GPR4: variants seen among roughly 807,000 people sequenced by gnomAD.
GPR4 encodes the protein G-prodeshotein coupled receptor 4.
GPR4 carries 11 observed loss-of-function variants against 17.8 expected under a neutral mutation model. That is an observed-to-expected ratio of 0.62 (90% CI 0.39 to 1.02). The LOEUF (loss-of-function observed/expected upper bound fraction) is 1.02. Ranked by LOEUF, GPR4 falls within the 50% of genes least tolerant of loss-of-function variation. GPR4 has a pLI of 0.00. For missense variants in GPR4, 364 were observed against 495.4 expected, an observed-to-expected ratio of 0.73 and a Z score of 2.52; for synonymous variants, 219 against 222.8, an observed-to-expected ratio of 0.98 and a Z score of 0.15.
rs150834740 is a variant in GPR4, at chr19:45,590,781, T to C, written c.1086A>G (p.Gln362=). 114 of 1,561,640 alleles carry C rather than the reference T, an allele frequency of 7.3e-5. No individual in the cohort carries two copies. In the African/African-American group the frequency reaches 1.3e-3, roughly 17 times the overall value. Residue 362 remains glutamine, a synonymous_variant, in exon 2 of 2, where the codon CAA becomes CAG. Transcript: ENST00000323040. ...GGGATTCTGTGCCACTCGGGGTTCA[T>C]TGTGCTGGCGGCAGCATCTTCAGCT... ...QVQLKMLPPA[Q]
rs768789009 is a variant in GPR4 at position 45,591,966 on chromosome 19, A to C, written c.-100T>G. 9 of 1,289,616 alleles carry C rather than the reference A, an allele frequency of 7.0e-6. No homozygotes were observed. Among genetic ancestry groups the C allele is most frequent in the Non-Finnish European group, 9.5e-6 (9 of 942,810 alleles). The allele number at this position is 1,289,616 out of a possible 1,614,324, so 79.9% of individuals were successfully genotyped here. On this transcript the variant is annotated 5_prime_UTR_variant, in exon 2 of 2. Coordinates refer to ENST00000323040, the MANE Select transcript of GPR4 (RefSeq NM_005282.3). The surrounding 1 kb of genome is among the most constrained non-coding windows in gnomAD (Gnocchi z 7.6). ...GGGGCCCCCTGAGCCCCTTCCTTGG[A>C]GGCTCAGGGGAACATGGTGGGATGT... is the stretch of plus-strand genomic sequence containing the variant.
chr19:45,599,071 C>T (rs1394670282), intron 1 of GPR4, among the ~76,000 whole-genome samples: 2 of 152,206 alleles, frequency 1.3e-5, no homozygotes, highest in Admixed American at 6.5e-5. Context: ...CTCACATCCA[C>T]AAGAAGCTCC....
intron 1 of GPR4, among the ~76,000 whole-genome samples, chr19:45,596,441 G>C (rs921190295): frequency 6.6e-6 from 1 of 152,124 alleles, no homozygotes; most frequent in Non-Finnish European, 1.5e-5. Flanking sequence ...CTGACCTCAG[G>C]TGATCCACCC....
intron 1 of GPR4, among the ~76,000 whole-genome samples, chr19:45,597,886 C>G (rs922120699): frequency 2.0e-5 from 3 of 152,016 alleles, no homozygotes; most frequent in African/African-American, 4.8e-5. Context: ...AGTCCTGCCC[C>G]CTGTGGGGTC....
At chr19:45,593,463 C>A (rs530384382) in intron 1 of GPR4, among the ~76,000 whole-genome samples, 79 of 146,702 alleles carry the variant, frequency 5.4e-4, no homozygotes, top group African/African-American at 1.8e-3. Context: ...CGCACCACTG[C>A]ACTCCAGCCT....
At chr19:45,597,628 C>T (rs542852521) in intron 1 of GPR4, among the ~76,000 whole-genome samples, 1 of 152,312 alleles carries the variant, frequency 6.6e-6, no homozygotes, top group South Asian at 2.1e-4. Flanking sequence ...AGCACAGAGC[C>T]ATTTGCCAAT....
In GPR4 at chr19:45,590,637, C is replaced by T; in HGVS notation, c.*141G>A. ...AGCACAAAGGTTGACCAGTGACACA[C>T]CAACCTCACTCTTCCTAAGTTCTTG... On this transcript the variant is annotated 3_prime_UTR_variant, in exon 2 of 2. Coordinates refer to ENST00000323040, the MANE Select transcript of GPR4 (RefSeq NM_005282.3). The T allele has an allele frequency of 8.9e-7, 1 of 1,119,528 alleles. No individual in the cohort carries two copies. Among genetic ancestry groups the T allele is most frequent in the Non-Finnish European group, 1.2e-6 (1 of 806,312 alleles). The allele number at this position is 1,119,528 out of a possible 1,614,324, so 69.3% of individuals were successfully genotyped here.
In GPR4 at chr19:45,590,051, A is replaced by G. The variant is rs1178299717; in HGVS notation, c.*727T>C. 6.6e-6 allele frequency: 1 copy of G among 152,180 alleles called. No individual in the cohort carries two copies. 9.4% of individuals were successfully genotyped at this position (152,180 alleles called of 1,614,324 possible). ...AGTCTTGACTTGGAGATCGCTGTTT[A>G]TCTAGAAACTTAGAATTGCGGTCTT... On this transcript the variant is annotated 3_prime_UTR_variant, in exon 2 of 2. Coordinates refer to ENST00000323040, the MANE Select transcript of GPR4 (RefSeq NM_005282.3).
rs1160125051 is a variant in GPR4 at position 45,592,638 on chromosome 19, A to ACTGGTC, written c.-778_-773dup. ...AATGGGGGCAGGGGAGGGACTCCAG[A>ACTGGTC]CTGGTCCTGGTGGGGGCTGAGGGAT... On this transcript the variant is annotated 5_prime_UTR_variant, in exon 2 of 2. Transcript: ENST00000323040. 2 of 167,280 alleles carry ACTGGTC rather than the reference A, an allele frequency of 1.2e-5. No homozygotes were observed. The highest frequency in any genetic ancestry group is 2.9e-5 in the Non-Finnish European group (2 of 68,302). 10.4% of individuals were successfully genotyped at this position (167,280 alleles called of 1,614,324 possible).
At chr19:45,596,197 TTTC>T (rs1345417870) in intron 1 of GPR4, among the ~76,000 whole-genome samples, 7 of 146,442 alleles carry the variant, frequency 4.8e-5, no homozygotes, top group Non-Finnish European at 7.5e-5. Context: ...TTTCTTTTCT[TTTC>T]TTCTTTTTTT....
intron 1 of GPR4, among the ~76,000 whole-genome samples, chr19:45,593,020 A>G (rs1235204729): frequency 6.6e-6 from 1 of 151,698 alleles, no homozygotes; most frequent in Admixed American, 6.6e-5. Flanking sequence ...AGTGAGACCC[A>G]GTCTCTACAA....
chr19:45,597,324 C>T (rs1246210024), intron 1 of GPR4, among the ~76,000 whole-genome samples: 1 of 152,160 alleles, frequency 6.6e-6, no homozygotes, highest in Non-Finnish European at 1.5e-5. Context: ...CCACCTTGGC[C>T]TCTCAAAGTG....
chr19:45,592,074 A>T lies in GPR4; in HGVS notation c.-208T>A, dbSNP rs1274018645. The T allele has an allele frequency of 3.9e-6, 2 of 514,800 alleles. No homozygotes were observed. Among genetic ancestry groups the T allele is most frequent in the Non-Finnish European group, 7.0e-6 (2 of 284,702 alleles). 31.9% of individuals were successfully genotyped at this position (514,800 alleles called of 1,614,324 possible). On this transcript the variant is annotated 5_prime_UTR_variant, in exon 2 of 2. Coordinates refer to ENST00000323040, the MANE Select transcript of GPR4 (RefSeq NM_005282.3). Reference sequence around the variant, plus strand: ...TTGAGAGGGAAAAGTTGGAGGAGGGATGGAATTATGACAGGAGGGAAGTCT... The same window carrying T: ...TTGAGAGGGAAAAGTTGGAGGAGGGTTGGAATTATGACAGGAGGGAAGTCT...
At position 45,591,123 on chromosome 19, in the gene GPR4, G is replaced by A. The variant is rs1229790606; in HGVS notation, c.744C>T (p.Ser248=). The stretch of plus-strand genomic sequence containing the variant: ...CCCAGGGGCGGCCCAGGTAGATGGC[G>A]CTGCGGGACAGCAAGAGCACGTGAT... ...APYHVLLLSR[S]AIYLGRPWDC... Residue 248 remains serine, a synonymous_variant, in exon 2 of 2, where the codon AGC becomes AGT. Transcript: ENST00000323040. This position sits in a 1 kb window ranked among gnomAD's most constrained non-coding sequence, Gnocchi z 7.6. 1.9e-6 allele frequency: 3 copies of A among 1,613,608 alleles called. No individual in the cohort carries two copies. In the African/African-American group the frequency reaches 4.0e-5, roughly 22 times the overall value.
chr19:45,600,141 G>A (rs1002472002), intron 1 of GPR4, among the ~76,000 whole-genome samples: 6 of 152,240 alleles, frequency 3.9e-5, no homozygotes, highest in African/African-American at 7.2e-5. Context: ...AGAGAGGGGC[G>A]TGTTAGTCAC....
rs1225408989 is a variant in GPR4, at chr19:45,590,086, G to C, written c.*692C>G. The C allele has an allele frequency of 6.6e-6, 1 of 151,984 alleles. No individual in the cohort carries two copies. The highest frequency in any genetic ancestry group is 1.5e-5 in the Non-Finnish European group (1 of 68,008). 9.4% of individuals were successfully genotyped at this position (151,984 alleles called of 1,614,324 possible). ...TTAGAATTGCGGTCTTATGTTCCCT[G>C]GCCTGTATGACCAGGGGCTTTGCAA... On this transcript the variant is annotated 3_prime_UTR_variant, in exon 2 of 2. Coordinates refer to ENST00000323040, the MANE Select transcript of GPR4 (RefSeq NM_005282.3).
intron 1 of GPR4, among the ~76,000 whole-genome samples, chr19:45,596,043 T>C (rs1441185637): frequency 6.6e-6 from 1 of 152,094 alleles, no homozygotes; most frequent in Non-Finnish European, 1.5e-5. Flanking sequence ...TCTGTGTGCG[T>C]CTCTCTCAAA....
rs373863153 is a variant in GPR4 at position 45,594,390 on chromosome 19, C to G, written c.-831-1693G>C. Among the ~76,000 whole-genome samples the G allele has an allele frequency of 2.7e-4, 39 of 142,634 alleles. No homozygotes were observed. In the East Asian group the frequency reaches 3.5e-3, roughly 13 times the overall value. The allele number at this position is 142,634 out of a possible 152,430, so 93.6% of individuals were successfully genotyped here. A position where few individuals can be genotyped will look rare whatever the true frequency, so the allele number is the denominator to read the frequency against. On this transcript the variant is annotated intron_variant, in intron 1 of 1. Coordinates refer to ENST00000323040, the MANE Select transcript of GPR4 (RefSeq NM_005282.3). ...TGAGCTGAGATCACGCCATTGCACT[C>G]CAGCGGGGGTGACAGAGCCAGACTC...
rs148913746 is a variant in GPR4, at chr19:45,591,114, G to A, written c.753C>T (p.Tyr251=). ...HVLLLSRSAI[Y]LGRPWDCGFE... ...AGCCGCAGTCCCAGGGGCGGCCCAG[G>A]TAGATGGCGCTGCGGGACAGCAAGA... Residue 251 remains tyrosine, a synonymous_variant, in exon 2 of 2, where the codon TAC becomes TAT. Coordinates refer to ENST00000323040, the MANE Select transcript of GPR4 (RefSeq NM_005282.3). The surrounding 1 kb of genome is among the most constrained non-coding windows in gnomAD (Gnocchi z 7.6). 3.6e-4 allele frequency: 588 copies of A among 1,613,866 alleles called. 2 individuals carry two copies. In the African/African-American group the frequency reaches 7.2e-3, roughly 20 times the overall value.
Sources: allele counts gnomAD v4.1 joint callset (sites outside exome capture counted in the v4.1 genomes callset), GRCh38; gene constraint gnomAD v4.1.1; non-coding constraint Gnocchi (gnomAD v3.1); transcripts MANE v1.5; gene names NCBI Gene and HGNC (gene_info 2026-07-23, HGNC 2026-07-21).